Variants in TASP1 observed in about 807,000 individuals in gnomAD.
TASP1 encodes the protein taspase 1.
TASP1 carries 16 observed loss-of-function variants against 56.6 expected under a neutral mutation model. The ratio of observed to expected loss-of-function variants is 0.28; its 90% confidence interval spans 0.19 to 0.43. The LOEUF is 0.43. Among genes scored for constraint, TASP1 ranks in the 20% least tolerant of loss-of-function variants. The pLI, the probability that TASP1 is intolerant of heterozygous loss-of-function variation, is 1.00. For synonymous variants in TASP1, 179 were observed against 184.2 expected, an observed-to-expected ratio of 0.97 and a Z score of 0.23; for missense variants, 393 against 511.6, an observed-to-expected ratio of 0.77 and a Z score of 2.24.
At chr20:13,488,075 T>G (rs1373639049) in intron 10 of TASP1, among the ~76,000 whole-genome samples, 1 of 151,998 alleles carries the variant, frequency 6.6e-6, no homozygotes. Context: ...AGTCCAAAAG[T>G]GTAAAATGAT....
intron 7 of TASP1, among the ~76,000 whole-genome samples, chr20:13,566,031 A>T (rs957571874): frequency 1.3e-5 from 2 of 152,198 alleles, no homozygotes; most frequent in East Asian, 3.8e-4. Context: ...AAATTCTGAC[A>T]CATGCTACAA....
At chr20:13,228,573 T>A in the TASP1 span, among the ~76,000 whole-genome samples, 1 of 152,190 alleles carries the variant, frequency 6.6e-6, no homozygotes, top group Non-Finnish European at 1.5e-5. Context: ...CTTTTATGAT[T>A]TTTTTCCTTT....
chr20:13,306,182 C>A, the TASP1 span, among the ~76,000 whole-genome samples: 1 of 152,146 alleles, frequency 6.6e-6, no homozygotes, highest in Non-Finnish European at 1.5e-5. Context: ...AGTAACATTT[C>A]TTGAATTAAT....
At chr20:13,637,808 G>A (rs2049364172) in intron 1 of TASP1, among the ~76,000 whole-genome samples, 1 of 152,204 alleles carries the variant, frequency 6.6e-6, no homozygotes, top group Admixed American at 6.5e-5. Context: ...TCTGAAAGTA[G>A]ATAGTGGTGA....
At chr20:13,278,026 G>A in the TASP1 span, among the ~76,000 whole-genome samples, 1 of 152,212 alleles carries the variant, frequency 6.6e-6, no homozygotes, top group Admixed American at 6.5e-5. Flanking sequence ...TCTATCAGAT[G>A]TCAGGTTAGG....
intron 11 of TASP1, among the ~76,000 whole-genome samples, chr20:13,473,405 G>A (rs2044596524): frequency 6.6e-6 from 1 of 152,030 alleles, no homozygotes; most frequent in Non-Finnish European, 1.5e-5. Context: ...GTTAATGGGT[G>A]CAGCAAACCA....
Position 13,623,109 on chromosome 20 carries a change from T to C in TASP1, c.282+337A>G, listed in dbSNP as rs183498705. ...ACTTCTAGACAGTTGGAATTTTTCT[T>C]TTATTTTTAAACAACAGAATATACA... On this transcript the variant is annotated intron_variant, in intron 4 of 13. Coordinates refer to ENST00000337743, the MANE Select transcript of TASP1 (RefSeq NM_017714.3). 4.6e-5 allele frequency among the ~76,000 whole-genome samples: 7 copies of C among 152,258 alleles called. No homozygotes were observed. In the East Asian group the frequency reaches 1.4e-3, roughly 29 times the overall value.
Position 13,390,460 on chromosome 20 carries a change from G to C in TASP1, c.1171-8C>G. 1 of 1,612,444 alleles carries C rather than the reference G, an allele frequency of 6.2e-7. No individual in the cohort carries two copies. The highest frequency in any genetic ancestry group is 8.5e-7 in the Non-Finnish European group (1 of 1,179,150). The stretch of plus-strand genomic sequence containing the variant: ...AAGTCTTGAAATGTGAGTCTGCAGA[G>C]AGAGAGAGACAGCAGAGCATCAGAG... On this transcript the variant is annotated splice_polypyrimidine_tract_variant and splice_region_variant and intron_variant, in intron 13 of 13. Transcript: ENST00000337743.
At chr20:13,129,116 C>T in the TASP1 span, among the ~76,000 whole-genome samples, 5 of 152,082 alleles carry the variant, frequency 3.3e-5, no homozygotes, top group Admixed American at 3.3e-4. Flanking sequence ...ATCTGCCTGC[C>T]TCGGCCTCCC....
chr20:13,536,408 C>T (rs1048066716), intron 8 of TASP1, among the ~76,000 whole-genome samples: 1 of 152,184 alleles, frequency 6.6e-6, no homozygotes. Flanking sequence ...GCTCAACTGT[C>T]AACTGACAGC....
At chr20:13,516,044 T>G (rs2044518346) in intron 10 of TASP1, among the ~76,000 whole-genome samples, 1 of 152,158 alleles carries the variant, frequency 6.6e-6, no homozygotes, top group Admixed American at 6.6e-5. Context: ...TTTACAGATA[T>G]CCTTCCAACA....
the TASP1 span, among the ~76,000 whole-genome samples, chr20:13,290,612 C>T: frequency 2.6e-5 from 4 of 152,068 alleles, no homozygotes; most frequent in East Asian, 3.9e-4. Context: ...GAGCCGAGAT[C>T]GGGCCACTGC....
intron 9 of TASP1, among the ~76,000 whole-genome samples, chr20:13,529,052 A>G (rs958543548): frequency 1.2e-4 from 18 of 152,202 alleles, no homozygotes; most frequent in Admixed American, 6.5e-4. Context: ...GGCCTTTTCC[A>G]TGTCTGTGTT....
the TASP1 span, among the ~76,000 whole-genome samples, chr20:13,202,431 T>C: frequency 6.6e-6 from 1 of 152,254 alleles, no homozygotes; most frequent in Admixed American, 6.5e-5. Flanking sequence ...TGTACATTTA[T>C]GTAATTTAAT....
chr20:13,632,297 C>T (rs1230747604), intron 1 of TASP1, among the ~76,000 whole-genome samples: 2 of 127,660 alleles, frequency 1.6e-5, no homozygotes, highest in South Asian at 2.6e-4. Flanking sequence ...ACCCGGGAGG[C>T]GAGGTTGCAG....
At chr20:13,408,279 C>T (rs919123283) in intron 13 of TASP1, among the ~76,000 whole-genome samples, 1 of 152,044 alleles carries the variant, frequency 6.6e-6, no homozygotes, top group Non-Finnish European at 1.5e-5. Context: ...ATGTGGATAT[C>T]CTTATGTTCC....
At chr20:13,558,214 G>A (rs879540724) in intron 8 of TASP1, among the ~76,000 whole-genome samples, 1 of 152,172 alleles carries the variant, frequency 6.6e-6, no homozygotes, top group Non-Finnish European at 1.5e-5. Context: ...ATTGATGAAT[G>A]CTAAGGTACA....
intron 4 of TASP1, among the ~76,000 whole-genome samples, chr20:13,589,283 C>G (rs991567798): frequency 2.0e-5 from 3 of 152,024 alleles, no homozygotes; most frequent in Non-Finnish European, 4.4e-5. Context: ...TGGTCTCGAT[C>G]TCCTGACCTC....
At chr20:13,545,996 C>T in intron 8 of TASP1, among the ~76,000 whole-genome samples, 1 of 152,184 alleles carries the variant, frequency 6.6e-6, no homozygotes, top group East Asian at 1.9e-4. Context: ...GTGGCTCTCA[C>T]TGATGATTTT....
Sources: gnomAD v4.1 joint callset for allele counts (sites outside exome capture counted in the v4.1 genomes callset) on GRCh38, gnomAD v4.1.1 for gene constraint, MANE v1.5 for transcripts, NCBI Gene and HGNC (gene_info 2026-07-23, HGNC 2026-07-21) for gene names.